NRG3: variants seen among roughly 807,000 people sequenced by gnomAD.
NRG3 encodes the protein pro-neuregulin-3, membrane-bound isoform.
NRG3 carries 31 observed loss-of-function variants against 66.9 expected under a neutral mutation model. That is an observed-to-expected ratio of 0.46 (90% CI 0.35 to 0.63). The LOEUF (loss-of-function observed/expected upper bound fraction) is 0.63. Ranked by LOEUF, NRG3 falls within the 20% of genes least tolerant of loss-of-function variation. NRG3 has a pLI of 0.00. For synonymous variants in NRG3, 393 were observed against 359.4 expected (o/e 1.09, Z -1.06); for missense variants, 910 against 878.9 (o/e 1.04, Z -0.45).
intron 2 of NRG3, among the ~76,000 whole-genome samples, chr10:82,457,821 A>T (rs1402747441): frequency 6.6e-6 from 1 of 152,184 alleles, no homozygotes; most frequent in Non-Finnish European, 1.5e-5. Flanking sequence ...TGGAATGGAA[A>T]GTTCAGGACA....
At chr10:81,957,392 CTCTCCCTTGCA>C (rs1252197024) in intron 1 of NRG3, among the ~76,000 whole-genome samples, 2 of 152,090 alleles carry the variant, frequency 1.3e-5, no homozygotes, top group Non-Finnish European at 2.9e-5. Flanking sequence ...TTACATCATT[CTCTCCCTTGCA>C]TCATGACTCT....
At chr10:82,090,053 A>C (rs1163707373) in intron 1 of NRG3, among the ~76,000 whole-genome samples, 1 of 152,194 alleles carries the variant, frequency 6.6e-6, no homozygotes, top group Non-Finnish European at 1.5e-5. Flanking sequence ...TGAATACATA[A>C]TATATAAGTG....
chr10:82,690,104 C>T (rs2054807729), intron 2 of NRG3, among the ~76,000 whole-genome samples: 1 of 152,178 alleles, frequency 6.6e-6, no homozygotes, highest in African/African-American at 2.4e-5. Context: ...CTGATGCCTT[C>T]ATTTTCATAA....
intron 1 of NRG3, chr10:82,228,973 C>T (rs2076310688): frequency 6.6e-6 from 1 of 152,264 alleles, no homozygotes; most frequent in Non-Finnish European, 1.5e-5. Context: ...TCAAGGGAAA[C>T]TCCTTCGGAA....
intron 2 of NRG3, among the ~76,000 whole-genome samples, chr10:82,531,297 A>T (rs1847234313): frequency 6.6e-6 from 1 of 151,770 alleles, no homozygotes; most frequent in Non-Finnish European, 1.5e-5. Flanking sequence ...CCAATGACAT[A>T]ATATTAGAGA....
intron 4 of NRG3, among the ~76,000 whole-genome samples, chr10:82,873,533 A>G (rs1037094887): frequency 6.6e-6 from 1 of 152,228 alleles, no homozygotes; most frequent in Admixed American, 6.6e-5. Context: ...CAGACTGGCC[A>G]TTTTGGAAGG....
chr10:82,666,472 G>C (rs780434212), intron 2 of NRG3, among the ~76,000 whole-genome samples: 5 of 152,100 alleles, frequency 3.3e-5, no homozygotes, highest in Non-Finnish European at 5.9e-5. Flanking sequence ...TCCATAGTCT[G>C]AAATCCTCAG....
chr10:82,243,108 A>C (rs2077076201), intron 1 of NRG3, among the ~76,000 whole-genome samples: 1 of 152,208 alleles, frequency 6.6e-6, no homozygotes, highest in African/African-American at 2.4e-5. Flanking sequence ...GCTGAGCTTC[A>C]CAAATTTCCT....
chr10:82,332,610 G>T (rs1385921252), intron 1 of NRG3, among the ~76,000 whole-genome samples: 1 of 152,142 alleles, frequency 6.6e-6, no homozygotes, highest in Non-Finnish European at 1.5e-5. Context: ...GATTTTGAAT[G>T]ATAACTAGGC....
At chr10:81,995,862 TTTTG>T (rs756483925) in intron 1 of NRG3, among the ~76,000 whole-genome samples, 14 of 152,250 alleles carry the variant, frequency 9.2e-5, no homozygotes, top group South Asian at 2.1e-4. Flanking sequence ...TTTTGTTTTG[TTTTG>T]TTTGTTTGTT....
chr10:82,408,088 A>AGAGAGAG (rs1380149204), intron 2 of NRG3, among the ~76,000 whole-genome samples: 1 of 65,804 alleles, frequency 1.5e-5, no homozygotes, highest in African/African-American at 5.4e-5. Context: ...AGAGAGACAG[A>AGAGAGAG]AAGAAAGAAA....
intron 1 of NRG3, among the ~76,000 whole-genome samples, chr10:82,082,287 T>C (rs1306694440): frequency 6.6e-6 from 1 of 152,356 alleles, no homozygotes; most frequent in South Asian, 2.1e-4. Context: ...GCATAGCTTC[T>C]CACTAAAATA....
intron 3 of NRG3, among the ~76,000 whole-genome samples, chr10:82,773,317 AT>A (rs1236766795): frequency 6.6e-6 from 1 of 152,038 alleles, no homozygotes; most frequent in Non-Finnish European, 1.5e-5. Flanking sequence ...AGTGATTTTA[AT>A]TTGCATTTCC....
intron 1 of NRG3, among the ~76,000 whole-genome samples, chr10:82,350,960 C>G (rs956266883): frequency 2.6e-5 from 4 of 151,636 alleles, no homozygotes; most frequent in African/African-American, 9.7e-5. Flanking sequence ...GGCGCGATCT[C>G]GGCTCACTGC....
chr10:82,120,051 G>C (rs1418650830), intron 1 of NRG3, among the ~76,000 whole-genome samples: 1 of 152,070 alleles, frequency 6.6e-6, no homozygotes, highest in African/African-American at 2.4e-5. Flanking sequence ...TAATGTAAAT[G>C]AACGTATTAT....
At chr10:82,635,646 A>AT (rs1302084921) in intron 2 of NRG3, among the ~76,000 whole-genome samples, 5 of 152,108 alleles carry the variant, frequency 3.3e-5, no homozygotes, top group Admixed American at 2.6e-4. Context: ...AGCTAAATAC[A>AT]TTTTTTGGTT....
intron 2 of NRG3, among the ~76,000 whole-genome samples, chr10:82,727,732 C>T (rs1299139748): frequency 6.6e-6 from 1 of 152,150 alleles, no homozygotes; most frequent in Non-Finnish European, 1.5e-5. Context: ...CCACTGTCCT[C>T]CAGACCCCAG....
At chr10:82,099,548 T>G (rs1323594042) in intron 1 of NRG3, among the ~76,000 whole-genome samples, 4 of 152,222 alleles carry the variant, frequency 2.6e-5, no homozygotes, top group Non-Finnish European at 5.9e-5. Context: ...TTTTGGCTAT[T>G]CTCATTCCCT....
In NRG3 at chr10:82,040,121, A is replaced by C. The variant is rs189626270; in HGVS notation, c.823+163958A>C. 4.7e-3 allele frequency among the ~76,000 whole-genome samples: 708 copies of C among 152,232 alleles called. 4 individuals carry two copies. Among genetic ancestry groups the C allele is most frequent in the Middle Eastern group, 0.034 (10 of 294 alleles). On this transcript the variant is annotated intron_variant, in intron 1 of 8. Transcript: ENST00000372141. The stretch of plus-strand genomic sequence containing the variant: ...ATAAAAGTTGATAAAATTTTAGGTG[A>C]ATACATTGCTCTGCCATTTTCTAAT...
Sources: allele counts gnomAD v4.1 joint callset (sites outside exome capture counted in the v4.1 genomes callset), GRCh38; gene constraint gnomAD v4.1.1; transcripts MANE v1.5; gene names NCBI Gene and HGNC (gene_info 2026-07-23, HGNC 2026-07-21).